The following GPR158 variants were observed in gnomAD, a reference collection of about 807,000 sequenced individuals.
GPR158 encodes the protein metabotropic glycine receptor.
In GPR158, 30 loss-of-function variants were observed where a neutral mutation model predicts 78.2. The observed-to-expected ratio is 0.38, with a 90% CI of 0.29 to 0.52. The LOEUF is 0.52. Among genes scored for constraint, GPR158 ranks in the 20% least tolerant of loss-of-function variants. The pLI, the probability that GPR158 is intolerant of heterozygous loss-of-function variation, is 0.83. For synonymous variants in GPR158, 581 were observed against 591.1 expected, an observed-to-expected ratio of 0.98 and a Z score of 0.25; for missense variants, 1,463 against 1,523.5, an observed-to-expected ratio of 0.96 and a Z score of 0.66.
intron 5 of GPR158, among the ~76,000 whole-genome samples, chr10:25,498,890 A>T (rs899646362): frequency 1.3e-5 from 2 of 152,170 alleles, no homozygotes; most frequent in African/African-American, 4.8e-5. Flanking sequence ...TATCCCCTGC[A>T]TTGAGACTGG....
At chr10:25,283,794 G>C (rs1246154303) in intron 2 of GPR158, among the ~76,000 whole-genome samples, 1 of 151,750 alleles carries the variant, frequency 6.6e-6, no homozygotes, top group East Asian at 1.9e-4. Flanking sequence ...AATCAATTTT[G>C]ATATATTGTA....
At chr10:25,323,464 C>A (rs1854984986) in intron 2 of GPR158, among the ~76,000 whole-genome samples, 1 of 151,998 alleles carries the variant, frequency 6.6e-6, no homozygotes, top group Non-Finnish European at 1.5e-5. Context: ...CAAAGGAAGA[C>A]TGTTTTGTTT....
intron 2 of GPR158, among the ~76,000 whole-genome samples, chr10:25,252,601 G>A (rs1230131152): frequency 1.3e-5 from 2 of 151,846 alleles, no homozygotes; most frequent in African/African-American, 4.8e-5. Context: ...CCCCTGCTGG[G>A]GGGTGCCTCC....
intron 5 of GPR158, among the ~76,000 whole-genome samples, chr10:25,520,960 C>T (rs983241553): frequency 2.6e-5 from 4 of 152,326 alleles, no homozygotes; most frequent in African/African-American, 7.2e-5. Flanking sequence ...GCCCCTCCCC[C>T]AGCCTCGCTG....
chr10:25,374,768 G>A (rs1247350779), intron 2 of GPR158, among the ~76,000 whole-genome samples: 1 of 151,672 alleles, frequency 6.6e-6, no homozygotes, highest in Non-Finnish European at 1.5e-5. Context: ...TCCATAATAT[G>A]GATGTACTAT....
chr10:25,360,182 A>C (rs1855612391), intron 2 of GPR158, among the ~76,000 whole-genome samples: 1 of 151,798 alleles, frequency 6.6e-6, no homozygotes, highest in Middle Eastern at 3.2e-3. Context: ...GATTGTAAAA[A>C]TTTTCTCCCA....
Position 25,221,036 on chromosome 10 carries a change from C to T in GPR158, c.903-16C>T, listed in dbSNP as rs1222566851. On this transcript the variant is annotated splice_polypyrimidine_tract_variant and intron_variant, in intron 1 of 10. Transcript: ENST00000376351. ...GTCCAGATTAATTTGTTCTTTTTAT[C>T]CTTTTCTATTTCTAGGGGTGTCATG... is the stretch of plus-strand genomic sequence containing the variant. 2.4e-6 allele frequency: 3 copies of T among 1,252,110 alleles called. No homozygotes were observed. The highest frequency in any genetic ancestry group is 3.5e-6 in the Non-Finnish European group (3 of 866,126). The allele number at this position is 1,252,110 out of a possible 1,614,324, so 77.6% of individuals were successfully genotyped here. A position where few individuals can be genotyped will look rare whatever the true frequency, so the allele number is the denominator to read the frequency against.
chr10:25,412,916 T>C (rs1834612548), intron 4 of GPR158, among the ~76,000 whole-genome samples: 2 of 152,254 alleles, frequency 1.3e-5, no homozygotes. Flanking sequence ...AATGAATTTA[T>C]TTATGACCTT....
chr10:25,494,286 A>G (rs538198444), intron 5 of GPR158, among the ~76,000 whole-genome samples: 28 of 152,326 alleles, frequency 1.8e-4, no homozygotes, highest in Non-Finnish European at 3.2e-4. Flanking sequence ...ACCAATCTAT[A>G]TTATGAGTTA....
At chr10:25,454,666 C>G (rs941457748) in intron 4 of GPR158, among the ~76,000 whole-genome samples, 1 of 152,148 alleles carries the variant, frequency 6.6e-6, no homozygotes, top group Non-Finnish European at 1.5e-5. Flanking sequence ...TCCACCCACC[C>G]TGTCTGCCTC....
At chr10:25,395,873 C>T (rs1489175050) in intron 2 of GPR158, 38 bp from the exon 3 acceptor site, 1 of 981,300 alleles carries the variant, frequency 1.0e-6, no homozygotes, top group South Asian at 1.3e-5. Context: ...ATGAGATAAG[C>T]CATGATCAAC....
At chr10:25,437,748 G>T (rs1835016826) in intron 4 of GPR158, among the ~76,000 whole-genome samples, 1 of 152,098 alleles carries the variant, frequency 6.6e-6, no homozygotes, top group South Asian at 2.1e-4. Context: ...TAATTGCAGT[G>T]GGCTCAAGAA....
At chr10:25,519,283 G>C (rs936496532) in intron 5 of GPR158, among the ~76,000 whole-genome samples, 3 of 141,630 alleles carry the variant, frequency 2.1e-5, no homozygotes, top group African/African-American at 8.5e-5. Context: ...ACGTGAGATG[G>C]GTTTCCTGAA....
chr10:25,394,911 G>A (rs1403749695), intron 2 of GPR158, among the ~76,000 whole-genome samples: 1 of 152,018 alleles, frequency 6.6e-6, no homozygotes, highest in Non-Finnish European at 1.5e-5. Flanking sequence ...TCTGAAAAGA[G>A]GGACATCTTA....
In GPR158 at chr10:25,508,343, C is replaced by G. The variant is rs144681902; in HGVS notation, c.1404+41624C>G. The stretch of plus-strand genomic sequence containing the variant: ...TGGCATTCCTGTCTTTCAGGTCTGC[C>G]TTCCATGCATTTTTAGCAGGTTTGG... On this transcript the variant is annotated intron_variant, in intron 5 of 10. Coordinates refer to ENST00000376351, the MANE Select transcript of GPR158 (RefSeq NM_020752.3). Among the ~76,000 whole-genome samples, 381 of 152,184 alleles carry G rather than the reference C, an allele frequency of 2.5e-3. 2 individuals carry two copies. The highest frequency in any genetic ancestry group is 8.9e-3 in the African/African-American group (368 of 41,518).
intron 3 of GPR158, among the ~76,000 whole-genome samples, chr10:25,404,818 C>A (rs1834490374): frequency 6.6e-6 from 1 of 152,064 alleles, no homozygotes; most frequent in South Asian, 2.1e-4. Context: ...ATCACAATGG[C>A]ATGTGGCTTT....
intron 5 of GPR158, among the ~76,000 whole-genome samples, chr10:25,471,431 T>A (rs887812287): frequency 5.3e-5 from 8 of 152,210 alleles, no homozygotes; most frequent in African/African-American, 1.7e-4. Context: ...CGTGTGCATG[T>A]GTCTTTATAG....
rs1837456905 is a variant in GPR158, at chr10:25,599,088, C to G, written c.3462C>G (p.Ser1154=). The change falls in exon 11 of 11, where the codon TCC becomes TCG. Residue 1154 remains serine, a synonymous_variant. Transcript: ENST00000376351. ...TSSSEENVRG[S]YNSSNNFQQP... ...CTTCTGAGGAGAATGTGCGTGGCTC[C>G]TATAACTCAAGTAATAACTTCCAGC... 6.2e-7 allele frequency: 1 copy of G among 1,613,080 alleles called. No homozygotes were observed. The highest frequency in any genetic ancestry group is 8.5e-7 in the Non-Finnish European group (1 of 1,179,996).
intron 2 of GPR158, among the ~76,000 whole-genome samples, chr10:25,345,647 G>A (rs139248489): frequency 3.5e-4 from 53 of 152,014 alleles, no homozygotes; most frequent in African/African-American, 1.1e-3. Context: ...GTTTTTTGAG[G>A]TTTTTATTAG....
Sources: allele counts gnomAD v4.1 joint callset (sites outside exome capture counted in the v4.1 genomes callset), GRCh38; gene constraint gnomAD v4.1.1; transcripts MANE v1.5; gene names NCBI Gene and HGNC (gene_info 2026-07-23, HGNC 2026-07-21).